CHCHD3: variants seen among roughly 807,000 people sequenced by gnomAD.
CHCHD3 encodes the protein coiled-coil-helix-coiled-coil-helix domain containing 3.
CHCHD3 carries 20 observed loss-of-function variants against 38.2 expected under a neutral mutation model. The observed-to-expected ratio is 0.52, with a 90% CI of 0.37 to 0.76. The LOEUF (loss-of-function observed/expected upper bound fraction) is 0.76, where lower values mean the gene tolerates loss of function less well. CHCHD3 is among the 30% of genes least tolerant of loss of function. The pLI is 0.00. For synonymous variants in CHCHD3, 82 were observed against 100.0 expected (o/e 0.82, Z 1.07); for missense variants, 245 against 279.2 (o/e 0.88, Z 0.87).
chr7:133,074,319 T>A (rs1814913913), intron 1 of CHCHD3, among the ~76,000 whole-genome samples: 1 of 152,314 alleles, frequency 6.6e-6, no homozygotes, highest in East Asian at 1.9e-4. Context: ...AGGGAAAGGC[T>A]ACAGATCAAA....
intron 2 of CHCHD3, among the ~76,000 whole-genome samples, chr7:133,042,652 T>G (rs913707589): frequency 1.3e-5 from 2 of 152,204 alleles, no homozygotes; most frequent in African/African-American, 4.8e-5. Context: ...CGGGAAGATG[T>G]TCCATGTCCC....
chr7:132,887,147 C>T (rs1283296168), intron 4 of CHCHD3, among the ~76,000 whole-genome samples: 1 of 151,872 alleles, frequency 6.6e-6, no homozygotes, highest in Non-Finnish European at 1.5e-5. Flanking sequence ...ACTTGAGACA[C>T]ATTTTAATGT....
intron 4 of CHCHD3, among the ~76,000 whole-genome samples, chr7:132,951,722 A>C (rs1811040442): frequency 1.3e-5 from 2 of 152,262 alleles, no homozygotes; most frequent in Admixed American, 1.3e-4. Flanking sequence ...TAAGAAATAT[A>C]GAATTTGCAG....
intron 2 of CHCHD3, among the ~76,000 whole-genome samples, chr7:133,063,612 G>A (rs866755962): frequency 1.3e-5 from 2 of 152,020 alleles, no homozygotes; most frequent in Non-Finnish European, 2.9e-5. Context: ...TTAGTACTAT[G>A]GTGGAAAATA....
At chr7:133,025,921 T>A (rs1365715408) in intron 2 of CHCHD3, among the ~76,000 whole-genome samples, 1 of 152,236 alleles carries the variant, frequency 6.6e-6, no homozygotes, top group Non-Finnish European at 1.5e-5. Flanking sequence ...GCAAAAATAT[T>A]ATTTACAATA....
At chr7:133,072,435 T>C (rs1276664570) in intron 1 of CHCHD3, among the ~76,000 whole-genome samples, 1 of 152,170 alleles carries the variant, frequency 6.6e-6, no homozygotes, top group East Asian at 1.9e-4. Flanking sequence ...TTTGTATCTC[T>C]ATTTTATAGG....
At chr7:133,038,101 T>A (rs1357977769) in intron 2 of CHCHD3, among the ~76,000 whole-genome samples, 1 of 152,116 alleles carries the variant, frequency 6.6e-6, no homozygotes, top group South Asian at 2.1e-4. Context: ...CCAAAGAGAG[T>A]TGGCTGGGAT....
rs367695060 is a variant in CHCHD3 at position 132,785,542 on chromosome 7, G to C, written c.*95C>G. ...TCTCTTTAGTGGTCTTCTCATTAGTGGTCTTCTCTTCAAATGGGTTGTTTT... is the reference window on the plus strand; with the variant it reads ...TCTCTTTAGTGGTCTTCTCATTAGTCGTCTTCTCTTCAAATGGGTTGTTTT... On this transcript the variant is annotated 3_prime_UTR_variant, in exon 8 of 8. Coordinates refer to ENST00000262570, the MANE Select transcript of CHCHD3 (RefSeq NM_017812.4). The C allele has an allele frequency of 8.7e-5, 102 of 1,176,210 alleles. 1 individual carries two copies. In the East Asian group the frequency reaches 1.3e-3, roughly 15 times the overall value. The allele number at this position is 1,176,210 out of a possible 1,614,324, so 72.9% of individuals were successfully genotyped here.
intron 3 of CHCHD3, among the ~76,000 whole-genome samples, chr7:133,002,879 T>C (rs1812608370): frequency 6.6e-6 from 1 of 152,204 alleles, no homozygotes. Flanking sequence ...TTGGTTTAAA[T>C]AGCAATTGAG....
At chr7:132,933,705 T>C (rs1562912887) in intron 4 of CHCHD3, among the ~76,000 whole-genome samples, 1 of 152,148 alleles carries the variant, frequency 6.6e-6, no homozygotes, top group South Asian at 2.1e-4. Context: ...GATCCAATGA[T>C]AGTACATAAC....
intron 4 of CHCHD3, among the ~76,000 whole-genome samples, chr7:132,930,104 C>T (rs1251314424): frequency 6.6e-6 from 1 of 151,742 alleles, no homozygotes; most frequent in Non-Finnish European, 1.5e-5. Flanking sequence ...GTCTTCAAGC[C>T]GGAGTAAGCT....
chr7:133,032,641 G>C (rs1813534471), intron 2 of CHCHD3, among the ~76,000 whole-genome samples: 1 of 152,104 alleles, frequency 6.6e-6, no homozygotes, highest in Non-Finnish European at 1.5e-5. Flanking sequence ...CTGGGCTATA[G>C]CCGTATAGCA....
chr7:132,829,386 G>A (rs1394694850), intron 6 of CHCHD3, among the ~76,000 whole-genome samples: 1 of 152,010 alleles, frequency 6.6e-6, no homozygotes, highest in South Asian at 2.1e-4. Flanking sequence ...ACCATGTAGG[G>A]TATACTAGAT....
intron 1 of CHCHD3, among the ~76,000 whole-genome samples, chr7:133,079,192 C>T (rs1815097362): frequency 6.6e-6 from 1 of 152,180 alleles, no homozygotes; most frequent in African/African-American, 2.4e-5. Flanking sequence ...ATTTGAAGTT[C>T]ACTTAAGTTC....
chr7:132,889,032 G>A (rs768172988), intron 4 of CHCHD3, among the ~76,000 whole-genome samples: 21 of 151,996 alleles, frequency 1.4e-4, no homozygotes, highest in Non-Finnish European at 2.9e-5. Flanking sequence ...TAGTACTTCT[G>A]TGATCAGAAA....
intron 6 of CHCHD3, among the ~76,000 whole-genome samples, chr7:132,825,304 G>C (rs1807481348): frequency 1.3e-5 from 2 of 152,138 alleles, no homozygotes; most frequent in Non-Finnish European, 2.9e-5. Flanking sequence ...ATAAGGACAG[G>C]GTGTCGGAAT....
intron 4 of CHCHD3, among the ~76,000 whole-genome samples, chr7:132,901,592 G>A (rs1809669341): frequency 6.6e-6 from 1 of 152,186 alleles, no homozygotes; most frequent in Non-Finnish European, 1.5e-5. Flanking sequence ...TCATGTGTCT[G>A]TTTGGCTACA....
chr7:133,054,360 C>T (rs1314048100), intron 2 of CHCHD3, among the ~76,000 whole-genome samples: 1 of 152,172 alleles, frequency 6.6e-6, no homozygotes, highest in Non-Finnish European at 1.5e-5. Flanking sequence ...CAAGAATTCC[C>T]TCTCACACTG....
In CHCHD3 at chr7:132,879,151, A is replaced by G. The variant is rs574042393; in HGVS notation, c.453+6511T>C. On this transcript the variant is annotated intron_variant, in intron 5 of 7. Coordinates refer to ENST00000262570, the MANE Select transcript of CHCHD3 (RefSeq NM_017812.4). ...TGCCATGGAAAACTAACCTAATAAA[A>G]TTAGTCTTCCATTTTTTACATACAG... 3.3e-5 allele frequency among the ~76,000 whole-genome samples: 5 copies of G among 152,322 alleles called. No individual in the cohort carries two copies. The East Asian group carries it at 9.6e-4, about 29-fold the overall frequency.
Sources: allele counts gnomAD v4.1 joint callset (sites outside exome capture counted in the v4.1 genomes callset), GRCh38; gene constraint gnomAD v4.1.1; transcripts MANE v1.5; gene names NCBI Gene and HGNC (gene_info 2026-07-23, HGNC 2026-07-21).